Variants in ATRNL1 observed in about 807,000 individuals in gnomAD.
The protein encoded by ATRNL1 is attractin-like protein 1.
Under a neutral mutation model 182.7 loss-of-function variants are expected in ATRNL1, and 95 were observed. The ratio of observed to expected loss-of-function variants is 0.52; its 90% CI spans 0.44 to 0.62. ATRNL1 has a LOEUF of 0.62. ATRNL1 is among the 20% of genes least tolerant of loss of function. ATRNL1 has a pLI of 0.00. For missense variants in ATRNL1, 1,471 were observed against 1,679.5 expected (o/e 0.88, Z 2.17); for synonymous variants, 576 against 568.3 (o/e 1.01, Z -0.19).
rs568896411 is a variant in ATRNL1, at chr10:115,561,892, G to A, written c.3795+12356G>A. Among the ~76,000 whole-genome samples, 173 of 152,158 alleles carry A rather than the reference G, an allele frequency of 1.1e-3. 1 individual carries two copies. The Middle Eastern group carries it at 0.014, about 12-fold the overall frequency. On this transcript the variant is annotated intron_variant, in intron 26 of 28. Transcript: ENST00000355044. Reference sequence around the variant, plus strand: ...CAATTATCACCAAAATGTTGGTGAGGCTGTGGAGAAATTAGATTCCTCACA... The same window carrying A: ...CAATTATCACCAAAATGTTGGTGAGACTGTGGAGAAATTAGATTCCTCACA...
chr10:115,535,821 C>G (rs1301985636), intron 25 of ATRNL1, among the ~76,000 whole-genome samples: 2 of 152,134 alleles, frequency 1.3e-5, no homozygotes, highest in South Asian at 2.1e-4. Context: ...AGTTTTCCTT[C>G]TAGCAGATAG....
At chr10:115,121,647 ACT>A (rs1305630442) in intron 2 of ATRNL1, 50 bp from the exon 3 acceptor site, 2 of 719,956 alleles carry the variant, frequency 2.8e-6, no homozygotes, top group African/African-American at 1.8e-5. Flanking sequence ...GTATTTATTC[ACT>A]CTGTGCTTTG....
intron 27 of ATRNL1, among the ~76,000 whole-genome samples, chr10:115,804,823 A>G (rs1949882163): frequency 1.3e-5 from 2 of 152,170 alleles, no homozygotes; most frequent in South Asian, 4.1e-4. Context: ...AATTGGAACT[A>G]TTATTTCATA....
intron 16 of ATRNL1, 66 bp downstream of exon 16, chr10:115,300,313 C>T: frequency 7.7e-7 from 1 of 1,303,160 alleles, no homozygotes; most frequent in African/African-American, 1.5e-5. Context: ...TCATTCCTTC[C>T]TTCTAGGGTG....
intron 19 of ATRNL1, among the ~76,000 whole-genome samples, chr10:115,368,796 C>G (rs1358320128): frequency 6.6e-6 from 1 of 151,810 alleles, no homozygotes; most frequent in Non-Finnish European, 1.5e-5. Flanking sequence ...TCACTGCAAC[C>G]ACCGCCTCCT....
At chr10:115,601,109 C>G (rs1856571730) in intron 26 of ATRNL1, among the ~76,000 whole-genome samples, 2 of 151,744 alleles carry the variant, frequency 1.3e-5, no homozygotes, top group Non-Finnish European at 2.9e-5. Context: ...TATATTTGCC[C>G]TTTTAATTTC....
At chr10:115,844,458 G>A (rs1360949195) in intron 27 of ATRNL1, among the ~76,000 whole-genome samples, 3 of 151,980 alleles carry the variant, frequency 2.0e-5, no homozygotes, top group African/African-American at 7.2e-5. Flanking sequence ...AAATTATTAG[G>A]AGTTTTAAGA....
chr10:115,214,118 A>G (rs1592270209), intron 8 of ATRNL1, among the ~76,000 whole-genome samples: 1 of 151,940 alleles, frequency 6.6e-6, no homozygotes, highest in African/African-American at 2.4e-5. Context: ...TTTTATGTAT[A>G]CGAAAATATT....
At chr10:115,549,610 C>T in intron 26 of ATRNL1, 74 bp downstream of exon 26, 2 of 986,484 alleles carry the variant, frequency 2.0e-6, no homozygotes, top group Non-Finnish European at 2.9e-6. Context: ...CTGTTAATTA[C>T]CATGCTCTCT....
At chr10:115,803,907 C>T (rs1003243859) in intron 27 of ATRNL1, among the ~76,000 whole-genome samples, 9 of 152,048 alleles carry the variant, frequency 5.9e-5, no homozygotes, top group East Asian at 1.9e-4. Flanking sequence ...ATAAAGATGA[C>T]GAGATATCTA....
At chr10:115,850,363 A>G (rs1951026607) in intron 28 of ATRNL1, among the ~76,000 whole-genome samples, 1 of 152,180 alleles carries the variant, frequency 6.6e-6, no homozygotes, top group Non-Finnish European at 1.5e-5. Flanking sequence ...AAATTTTTCC[A>G]ATATCATCAT....
intron 17 of ATRNL1, 36 bp from the exon 18 acceptor site, chr10:115,315,482 C>T (rs782242376): frequency 4.3e-6 from 6 of 1,399,806 alleles, no homozygotes; most frequent in East Asian, 2.3e-5. Flanking sequence ...AATATATAGT[C>T]ATGTTAACAT....
intron 26 of ATRNL1, among the ~76,000 whole-genome samples, chr10:115,645,508 A>C (rs538128242): frequency 6.1e-5 from 9 of 147,748 alleles, no homozygotes; most frequent in African/African-American, 2.0e-4. Context: ...ATATATATAA[A>C]TATAAAAAAA....
At chr10:115,939,598 G>A (rs1555123712) in intron 28 of ATRNL1, among the ~76,000 whole-genome samples, 1 of 152,152 alleles carries the variant, frequency 6.6e-6, no homozygotes, top group Non-Finnish European at 1.5e-5. Flanking sequence ...TGGACCATCA[G>A]TCTAAAATAA....
At chr10:115,163,390 C>A (rs1262964233) in intron 6 of ATRNL1, among the ~76,000 whole-genome samples, 2 of 133,844 alleles carry the variant, frequency 1.5e-5, no homozygotes, top group Non-Finnish European at 3.3e-5. Flanking sequence ...TCTTTTATTT[C>A]TTTTTATCTG....
intron 9 of ATRNL1, among the ~76,000 whole-genome samples, chr10:115,241,243 A>G (rs1850406642): frequency 6.6e-6 from 1 of 151,824 alleles, no homozygotes; most frequent in South Asian, 2.1e-4. Context: ...GTATTTTAAA[A>G]TGATGTTTTG....
chr10:115,871,126 T>C (rs1555105982), intron 28 of ATRNL1, among the ~76,000 whole-genome samples: 1 of 152,138 alleles, frequency 6.6e-6, no homozygotes, highest in African/African-American at 2.4e-5. Context: ...AGTTTTTCTT[T>C]TTTTTATCAT....
chr10:115,890,277 A>G (rs1337125476), intron 28 of ATRNL1, among the ~76,000 whole-genome samples: 1 of 152,208 alleles, frequency 6.6e-6, no homozygotes, highest in African/African-American at 2.4e-5. Context: ...CCTATTAAGC[A>G]GAGAATGAGA....
At position 115,300,068 on chromosome 10, in the gene ATRNL1, A is replaced by T; in HGVS notation, c.2450A>T (p.Asn817Ile). 1 of 1,613,996 alleles carries T rather than the reference A, an allele frequency of 6.2e-7. No individual in the cohort carries two copies. Among genetic ancestry groups the T allele is most frequent in the Non-Finnish European group, 8.5e-7 (1 of 1,179,858 alleles). The change falls in exon 16 of 29, where the codon AAT (asparagine) becomes ATT (isoleucine). Residue 817 changes from asparagine (N) to isoleucine (I), a missense_variant. Around this residue, in one of 3 missense-constraint regions of ATRNL1, gnomAD observed 1,031 missense variants for 1,156.0 expected, o/e 0.89. Transcript: ENST00000355044. ...CCTTGGGTAGGCTTGCGCAAGATCA[A>T]TATATCCTATTGGGGATGGGAAGAC... ...VSPWVGLRKI[N>I]ISYWGWEDMS...
Sources: allele counts gnomAD v4.1 joint callset (sites outside exome capture counted in the v4.1 genomes callset), GRCh38; gene constraint gnomAD v4.1.1; regional missense constraint gnomAD v4.1.1; transcripts MANE v1.5; gene names NCBI Gene and HGNC (gene_info 2026-07-23, HGNC 2026-07-21).